DNAJC6: variants seen among roughly 807,000 people sequenced by gnomAD.
The protein encoded by DNAJC6 is DnaJ heat shock protein family (Hsp40) member C6.
DNAJC6 carries 34 observed loss-of-function variants against 110.0 expected under a neutral mutation model. The observed-to-expected ratio is 0.31, with a 90% CI of 0.24 to 0.41. The LOEUF is 0.41. DNAJC6 is among the 10% of genes least tolerant of loss of function. The pLI is 1.00. For missense variants in DNAJC6, 1,031 were observed against 1,207.8 expected (o/e 0.85, Z 2.17); for synonymous variants, 406 against 437.2 (o/e 0.93, Z 0.89).
chr1:65,405,930 C>T lies in DNAJC6; in HGVS notation c.2288C>T (p.Pro763Leu), dbSNP rs1343191653. ...ACTGGATTGGGTGGAGGATTCCCGCCTCTCAGCTCGCCACAGAAGGCGTCT... is the reference window on the plus strand; with the variant it reads ...ACTGGATTGGGTGGAGGATTCCCGCTTCTCAGCTCGCCACAGAAGGCGTCT... Reference protein sequence around the residue: ...TPTGLGGGFPPLSSPQKASPQ... With the variant: ...TPTGLGGGFPLLSSPQKASPQ... The change falls in exon 16 of 19, where the codon CCT becomes CTT. Residue 763 changes from proline (P) to leucine (L), a missense_variant. Physicochemically the swap from Pro to Leu is moderately conservative, Grantham distance 98. Coordinates refer to ENST00000371069, the MANE Select transcript of DNAJC6 (RefSeq NM_001256864.2). 5 of 1,614,012 alleles carry T rather than the reference C, an allele frequency of 3.1e-6. No individual in the cohort carries two copies. Among genetic ancestry groups the T allele is most frequent in the Non-Finnish European group, 3.4e-6 (4 of 1,179,998 alleles).
intron 14 of DNAJC6, among the ~76,000 whole-genome samples, chr1:65,400,244 G>C (rs990374348): frequency 6.6e-6 from 1 of 152,196 alleles, no homozygotes; most frequent in Non-Finnish European, 1.5e-5. Flanking sequence ...ACAATATGAT[G>C]TTTTGAAGTA....
chr1:65,320,263 G>GATA (rs1645185875), intron 1 of DNAJC6, among the ~76,000 whole-genome samples: 2 of 152,226 alleles, frequency 1.3e-5, no homozygotes, highest in African/African-American at 4.8e-5. Flanking sequence ...GAGAGTATAA[G>GATA]ATAATAGCTC....
intron 1 of DNAJC6, among the ~76,000 whole-genome samples, chr1:65,344,006 C>T (rs138176769): frequency 3.3e-5 from 5 of 152,286 alleles, no homozygotes; most frequent in African/African-American, 1.2e-4. Flanking sequence ...CAGACATCGA[C>T]TGCAGGTCTT....
At chr1:65,296,499 T>C (rs1044038912) in intron 1 of DNAJC6, among the ~76,000 whole-genome samples, 8 of 152,126 alleles carry the variant, frequency 5.3e-5, no homozygotes, top group Non-Finnish European at 7.4e-5. Context: ...CTAACCTTCA[T>C]TGGGTGCTAA....
intron 1 of DNAJC6, among the ~76,000 whole-genome samples, chr1:65,314,884 T>C (rs1164703367): frequency 6.6e-6 from 1 of 152,252 alleles, no homozygotes; most frequent in Non-Finnish European, 1.5e-5. Context: ...ATAAGATACG[T>C]CAATTTAAGT....
At chr1:65,284,615 T>G (rs1043355555) in intron 1 of DNAJC6, among the ~76,000 whole-genome samples, 1 of 151,986 alleles carries the variant, frequency 6.6e-6, no homozygotes, top group South Asian at 2.1e-4. Flanking sequence ...TGGGCCCCTC[T>G]TCTTCACACT....
chr1:65,292,423 C>T (rs1162432184), intron 1 of DNAJC6, among the ~76,000 whole-genome samples: 1 of 151,074 alleles, frequency 6.6e-6, no homozygotes, highest in East Asian at 2.0e-4. Context: ...CATAATAAAC[C>T]ACCCCAAACT....
intron 1 of DNAJC6, among the ~76,000 whole-genome samples, chr1:65,338,801 G>T (rs1645361409): frequency 6.6e-6 from 1 of 152,176 alleles, no homozygotes; most frequent in Non-Finnish European, 1.5e-5. Context: ...CTGAAAGATT[G>T]GATGTGAGGT....
At chr1:65,300,845 G>A (rs547364024) in intron 1 of DNAJC6, among the ~76,000 whole-genome samples, 2 of 152,294 alleles carry the variant, frequency 1.3e-5, no homozygotes, top group East Asian at 1.9e-4. Context: ...GTCTGGGGTG[G>A]TGACTGCCTT....
intron 1 of DNAJC6, among the ~76,000 whole-genome samples, chr1:65,318,252 A>T (rs1645165472): frequency 6.6e-6 from 1 of 152,236 alleles, no homozygotes; most frequent in African/African-American, 2.4e-5. Context: ...AATAAAATAA[A>T]TAAGTATAAC....
At chr1:65,279,013 T>G (rs1319409977) in intron 1 of DNAJC6, 3 of 985,284 alleles carry the variant, frequency 3.0e-6, no homozygotes, top group Non-Finnish European at 3.6e-6. Context: ...ACACTTTTAT[T>G]TCCTGCAAAC....
chr1:65,285,121 G>T (rs998331110), intron 1 of DNAJC6, among the ~76,000 whole-genome samples: 1 of 152,146 alleles, frequency 6.6e-6, no homozygotes, highest in Non-Finnish European at 1.5e-5. Context: ...GCTTTGCAGT[G>T]TCATCAGTTT....
intron 1 of DNAJC6, among the ~76,000 whole-genome samples, 192 bp from the exon 2 acceptor site, chr1:65,364,443 C>T (rs544746203): frequency 2.6e-5 from 4 of 152,060 alleles, no homozygotes; most frequent in African/African-American, 4.8e-5. Context: ...ACCTGGGTCT[C>T]CCCTGAGGAC....
chr1:65,370,635 G>T (rs183633547), intron 4 of DNAJC6, among the ~76,000 whole-genome samples: 3 of 152,290 alleles, frequency 2.0e-5, no homozygotes, highest in Non-Finnish European at 4.4e-5. Context: ...GTTTACCCAG[G>T]AAGGACAGTA....
At chr1:65,373,570 A>G (rs916896656) in intron 4 of DNAJC6, among the ~76,000 whole-genome samples, 3 of 149,992 alleles carry the variant, frequency 2.0e-5, no homozygotes, top group Admixed American at 6.6e-5. Context: ...TGCCATTTCT[A>G]TGTCTTCTTT....
At chr1:65,281,471 G>A (rs907545866) in intron 1 of DNAJC6, among the ~76,000 whole-genome samples, 5 of 152,046 alleles carry the variant, frequency 3.3e-5, no homozygotes, top group African/African-American at 7.2e-5. Flanking sequence ...TTGTCCCTGC[G>A]GATTTGCCTA....
At chr1:65,360,117 C>T (rs190907176) in intron 1 of DNAJC6, among the ~76,000 whole-genome samples, 5 of 152,240 alleles carry the variant, frequency 3.3e-5, no homozygotes, top group Non-Finnish European at 7.3e-5. Context: ...ACCTCTCTGC[C>T]CTTTCTCTTA....
chr1:65,389,140 T>C, intron 9 of DNAJC6, 116 bp from the exon 10 acceptor site: 1 of 972,360 alleles, frequency 1.0e-6, no homozygotes, highest in Non-Finnish European at 1.5e-6. Context: ...CTGAGTCTTT[T>C]TTAGAAATGA....
At chr1:65,352,475 T>C (rs1385957534) in intron 1 of DNAJC6, among the ~76,000 whole-genome samples, 1 of 152,238 alleles carries the variant, frequency 6.6e-6, no homozygotes, top group East Asian at 1.9e-4. Context: ...CTTGCACGAA[T>C]TGACCTCTTT....
Sources: gnomAD v4.1 joint callset for allele counts (sites outside exome capture counted in the v4.1 genomes callset) on GRCh38, gnomAD v4.1.1 for gene constraint, MANE v1.5 for transcripts, NCBI Gene and HGNC (gene_info 2026-07-23, HGNC 2026-07-21) for gene names.